The following RB1 variants were observed in gnomAD, a reference collection of about 807,000 sequenced individuals.
RB1 encodes the protein RB transcriptional corepressor 1.
RB1 carries 18 observed loss-of-function variants against 135.4 expected under a neutral mutation model. The ratio of observed to expected loss-of-function variants is 0.13; its 90% CI spans 0.09 to 0.20. The LOEUF is 0.20. RB1 is among the 10% of genes least tolerant of loss of function. The pLI is 1.00. For missense variants in RB1, 868 were observed against 1,110.0 expected (o/e 0.78, Z 3.10); for synonymous variants, 365 against 373.2 (o/e 0.98, Z 0.25).
intron 17 of RB1, among the ~76,000 whole-genome samples, chr13:48,383,432 G>A (rs2854362): frequency 0.78 from 118,804 of 152,048 alleles, 52,195 homozygotes; most frequent in Non-Finnish European, 0.97. Context: ...TTTTGAAACT[G>A]TGTTGCATGC....
At chr13:48,411,251 T>C (rs1197511990) in intron 17 of RB1, 1 of 721,658 alleles carries the variant, frequency 1.4e-6, no homozygotes, top group Non-Finnish European at 2.4e-6. Flanking sequence ...TGAATACAAA[T>C]TTTCTTTATA....
chr13:48,450,230 A>G (rs562219516), intron 17 of RB1, among the ~76,000 whole-genome samples: 1 of 151,986 alleles, frequency 6.6e-6, no homozygotes, highest in African/African-American at 2.4e-5. Flanking sequence ...GGTATTGCCT[A>G]GATTTTCTTC....
intron 2 of RB1, among the ~76,000 whole-genome samples, chr13:48,327,303 C>T (rs578185919): frequency 1.1e-4 from 17 of 151,708 alleles, no homozygotes; most frequent in African/African-American, 3.6e-4. Flanking sequence ...TCTTATGATT[C>T]GCTTCAAGTT....
Position 48,465,186 on chromosome 13 carries a change from T to A in RB1, c.2326-19T>A, listed in dbSNP as rs1344535392. 5 of 1,613,934 alleles carry A rather than the reference T, an allele frequency of 3.1e-6. No individual in the cohort carries two copies. On this transcript the variant is annotated intron_variant, in intron 22 of 26. Coordinates refer to ENST00000267163, the MANE Select transcript of RB1 (RefSeq NM_000321.3). Reference sequence around the variant, plus strand: ...CCAAAACATTAAATAAATAATCTACTTTTTTGTTTTTGCTCTAGCCCCCTA... The same window carrying A: ...CCAAAACATTAAATAAATAATCTACATTTTTGTTTTTGCTCTAGCCCCCTA...
At chr13:48,471,655 TTTTGAGAACAA>T (rs888179249) in intron 23 of RB1, among the ~76,000 whole-genome samples, 4 of 152,080 alleles carry the variant, frequency 2.6e-5, no homozygotes, top group Non-Finnish European at 4.4e-5. Context: ...AGGTATCTTC[TTTTGAGAACAA>T]TTTGAGAACC....
chr13:48,472,276 G>A (rs1042615095), intron 23 of RB1, among the ~76,000 whole-genome samples: 3 of 152,044 alleles, frequency 2.0e-5, no homozygotes, highest in South Asian at 2.1e-4. Flanking sequence ...TAAGTAGTAC[G>A]TACTCATTAT....
At chr13:48,332,293 A>C (rs1566182918) in intron 2 of RB1, among the ~76,000 whole-genome samples, 1 of 152,208 alleles carries the variant, frequency 6.6e-6, no homozygotes. Flanking sequence ...TAAGGGTTAG[A>C]TGTGGCAGCT....
chr13:48,348,976 C>T lies in RB1; in HGVS notation c.560C>T (p.Ser187Phe), dbSNP rs770277291. 12 of 1,601,298 alleles carry T rather than the reference C, an allele frequency of 7.5e-6. No individual in the cohort carries two copies. The highest frequency in any genetic ancestry group is 1.0e-5 in the Non-Finnish European group (12 of 1,172,726). The change falls in exon 6 of 27, where the codon TCT becomes TTT. Residue 187 changes from serine (S) to phenylalanine (F), a missense_variant. Ser to Phe is a radical substitution (Grantham distance 155). Transcript: ENST00000267163. ...PSSSISTEIN[S>F]ALVLKVSWIT... ...AATAGGATATCTACTGAAATAAATT[C>T]TGCATTGGTGCTAAAAGTTTCTTGG...
intron 2 of RB1, among the ~76,000 whole-genome samples, chr13:48,333,745 CAAAG>C (rs1952357982): frequency 6.7e-6 from 1 of 148,282 alleles, no homozygotes; most frequent in Middle Eastern, 3.5e-3. Context: ...GAAAAAAAAA[CAAAG>C]AGAGAAAAAG....
intron 11 of RB1, among the ~76,000 whole-genome samples, chr13:48,371,151 A>C (rs1952753919): frequency 6.6e-6 from 1 of 152,172 alleles, no homozygotes. Flanking sequence ...CATACTCACA[A>C]ATTTGGAGTG....
chr13:48,371,297 A>T (rs1162838787), intron 11 of RB1, among the ~76,000 whole-genome samples: 1 of 152,204 alleles, frequency 6.6e-6, no homozygotes, highest in Non-Finnish European at 1.5e-5. Flanking sequence ...AAAAAGTGAG[A>T]AATAGACCTG....
chr13:48,388,365 T>C (rs542239349), intron 17 of RB1, among the ~76,000 whole-genome samples: 3 of 152,246 alleles, frequency 2.0e-5, no homozygotes, highest in African/African-American at 7.2e-5. Context: ...TATAGGTCAT[T>C]TCAATAGAGG....
chr13:48,471,912 G>T (rs1949473387), intron 23 of RB1, among the ~76,000 whole-genome samples: 1 of 152,106 alleles, frequency 6.6e-6, no homozygotes, highest in Non-Finnish European at 1.5e-5. Context: ...ACCTCACCTT[G>T]GGCAGGTCTC....
chr13:48,353,884 C>T (rs1181931032), intron 6 of RB1, among the ~76,000 whole-genome samples: 1 of 152,084 alleles, frequency 6.6e-6, no homozygotes, highest in Non-Finnish European at 1.5e-5. Context: ...TGATAAAATT[C>T]AGCATCCTTC....
chr13:48,339,805 A>G (rs1952426429), intron 2 of RB1, among the ~76,000 whole-genome samples: 1 of 152,204 alleles, frequency 6.6e-6, no homozygotes, highest in Non-Finnish European at 1.5e-5. Context: ...CTATTCGGCC[A>G]TCTTCTAGTC....
intron 17 of RB1, among the ~76,000 whole-genome samples, chr13:48,421,396 C>A (rs570660297): frequency 2.3e-4 from 35 of 152,254 alleles, no homozygotes; most frequent in African/African-American, 7.7e-4. Flanking sequence ...AAATGTAAGA[C>A]CTAAAGCCAT....
intron 26 of RB1, 42 bp from the exon 27 acceptor site, chr13:48,479,956 A>G (rs747734202): frequency 5.8e-6 from 9 of 1,550,984 alleles, no homozygotes; most frequent in Admixed American, 3.4e-5. Context: ...CAACTTACCC[A>G]GTACCATCAA....
intron 17 of RB1, among the ~76,000 whole-genome samples, chr13:48,407,262 A>G (rs1407089114): frequency 6.6e-6 from 1 of 152,200 alleles, no homozygotes; most frequent in Non-Finnish European, 1.5e-5. Context: ...CTGGGGCTCT[A>G]TCTTTTGAAT....
chr13:48,339,653 C>T (rs1952424651), intron 2 of RB1, among the ~76,000 whole-genome samples: 1 of 152,204 alleles, frequency 6.6e-6, no homozygotes, highest in African/African-American at 2.4e-5. Flanking sequence ...TGCTTTGGCT[C>T]ACACTTGGTT....
Sources: allele counts gnomAD v4.1 joint callset (sites outside exome capture counted in the v4.1 genomes callset), GRCh38; gene constraint gnomAD v4.1.1; transcripts MANE v1.5; gene names NCBI Gene and HGNC (gene_info 2026-07-23, HGNC 2026-07-21).